The following ACTL6A variants were observed in gnomAD, a reference collection of about 807,000 sequenced individuals.
ACTL6A encodes actin like 6A.
A neutral mutation model predicts 59.2 loss-of-function variants in ACTL6A; 5 were observed. That is an observed-to-expected ratio of 0.08 (90% CI 0.04 to 0.18). The LOEUF is 0.18. Ranked by LOEUF, ACTL6A falls within the 10% of genes least tolerant of loss-of-function variation. ACTL6A has a pLI of 1.00. For synonymous variants in ACTL6A, 154 were observed against 171.8 expected (o/e 0.90, Z 0.81); for missense variants, 285 against 526.9 (o/e 0.54, Z 4.49).
At position 179,565,282 on chromosome 3, in the gene ACTL6A, C is replaced by A. The variant is rs1318383325; in HGVS notation, c.25+2165C>A. Among the ~76,000 whole-genome samples the A allele has an allele frequency of 2.0e-5, 3 of 151,572 alleles. No homozygotes were observed. In the East Asian group the frequency reaches 5.8e-4, roughly 29 times the overall value. ...CAAAACCCTGTCTCTACTAAAAATACAAAAATTAGCCAGGCGTGGTGGTGC... is the reference window on the plus strand; with the variant it reads ...CAAAACCCTGTCTCTACTAAAAATAAAAAAATTAGCCAGGCGTGGTGGTGC... On this transcript the variant is annotated intron_variant, in intron 1 of 13. Transcript: ENST00000429709.
intron 3 of ACTL6A, among the ~76,000 whole-genome samples, chr3:179,571,005 T>G (rs1239491610): frequency 6.6e-6 from 1 of 151,752 alleles, no homozygotes; most frequent in Non-Finnish European, 1.5e-5. Flanking sequence ...ATCGAGGGAG[T>G]GAAAGCAAGA....
Position 179,570,812 on chromosome 3 carries a change from G to A in ACTL6A, c.277+571G>A, listed in dbSNP as rs1047728099. 6.6e-6 allele frequency among the ~76,000 whole-genome samples: 1 copy of A among 152,136 alleles called. No homozygotes were observed. Among genetic ancestry groups the A allele is most frequent in the African/African-American group, 2.4e-5 (1 of 41,442 alleles). On this transcript the variant is annotated intron_variant, in intron 3 of 13. Coordinates refer to ENST00000429709, the MANE Select transcript of ACTL6A (RefSeq NM_004301.5). The surrounding 1 kb of genome is among the most constrained non-coding windows in gnomAD (Gnocchi z 4.3). ...AGGTAGGCAGGGAGCAGTCATAAAA[G>A]GGCTTGTAAACCATCCCAGGGTTGT... is the stretch of plus-strand genomic sequence containing the variant.
At chr3:179,569,780 T>C (rs973500115) in intron 1 of ACTL6A, 44 bp from the exon 2 acceptor site, 2 of 1,559,704 alleles carry the variant, frequency 1.3e-6, no homozygotes, top group African/African-American at 1.4e-5. Flanking sequence ...TTTCATATGA[T>C]ACTTTTGCAA....
chr3:179,573,006 C>A (rs1718058699), intron 3 of ACTL6A, among the ~76,000 whole-genome samples: 1 of 142,400 alleles, frequency 7.0e-6, no homozygotes. Flanking sequence ...TTTATAAATC[C>A]AGCAGTAGTA....
At chr3:179,574,795 C>T (rs1718115924) in intron 5 of ACTL6A, 1 of 190,900 alleles carries the variant, frequency 5.2e-6, no homozygotes, top group Non-Finnish European at 1.1e-5. Flanking sequence ...AATCTCCTTC[C>T]CTTCCAATAT....
At position 179,562,938 on chromosome 3, in the gene ACTL6A, G is replaced by A. The variant is rs1006311244; in HGVS notation, c.-155G>A. 1.1e-6 allele frequency: 1 copy of A among 924,618 alleles called. No homozygotes were observed. Among genetic ancestry groups the A allele is most frequent in the Non-Finnish European group, 1.7e-6 (1 of 588,706 alleles). The allele number at this position is 924,618 out of a possible 1,614,324, so 57.3% of individuals were successfully genotyped here. Reference sequence around the variant, plus strand: ...AGGAGGAGCCAGCAAGTGTGGCTGAGCTCCGGGGTGTGTGGACGCCGCTTT... The same window carrying A: ...AGGAGGAGCCAGCAAGTGTGGCTGAACTCCGGGGTGTGTGGACGCCGCTTT... On this transcript the variant is annotated 5_prime_UTR_variant, in exon 1 of 14. Transcript: ENST00000429709.
At chr3:179,566,544 A>G (rs970888777) in intron 1 of ACTL6A, among the ~76,000 whole-genome samples, 1 of 152,220 alleles carries the variant, frequency 6.6e-6, no homozygotes, top group Non-Finnish European at 1.5e-5. Flanking sequence ...TCACAATTCT[A>G]GAGGATAGAG....
intron 1 of ACTL6A, among the ~76,000 whole-genome samples, chr3:179,566,891 A>G (rs1027248176): frequency 1.9e-4 from 28 of 149,698 alleles, no homozygotes; most frequent in Non-Finnish European, 3.6e-4. Flanking sequence ...GGGTTTCACC[A>G]TGTTGGCCAG....
At chr3:179,587,570 C>T (rs532306381) in intron 13 of ACTL6A, among the ~76,000 whole-genome samples, 6 of 151,668 alleles carry the variant, frequency 4.0e-5, no homozygotes, top group East Asian at 1.9e-4. Context: ...TTAGGAGTTA[C>T]GAAAATAAGA....
chr3:179,570,023 T>C lies in ACTL6A; in HGVS notation c.103-44T>C. 2 of 1,591,748 alleles carry C rather than the reference T, an allele frequency of 1.3e-6. No homozygotes were observed. The highest frequency in any genetic ancestry group is 2.3e-5 in the South Asian group (2 of 87,706). ...ATTAATTGGGGAAAAAATGCCTTCTTGATGAAAGGTGAAACTTGTATGTCA... is the reference window on the plus strand; with the variant it reads ...ATTAATTGGGGAAAAAATGCCTTCTCGATGAAAGGTGAAACTTGTATGTCA... On this transcript the variant is annotated intron_variant, in intron 2 of 13. Coordinates refer to ENST00000429709, the MANE Select transcript of ACTL6A (RefSeq NM_004301.5). The surrounding 1 kb of genome is among the most constrained non-coding windows in gnomAD (Gnocchi z 4.3).
intron 11 of ACTL6A, 34 bp from the exon 12 acceptor site, chr3:179,583,319 G>A (rs1421434769): frequency 6.6e-7 from 1 of 1,515,054 alleles, no homozygotes; most frequent in South Asian, 1.1e-5. Context: ...GAAACATATG[G>A]AACTAATTGA....
intron 1 of ACTL6A, among the ~76,000 whole-genome samples, chr3:179,565,986 A>G (rs1717823438): frequency 6.6e-6 from 1 of 152,172 alleles, no homozygotes; most frequent in South Asian, 2.1e-4. Context: ...GGCAGTGGCA[A>G]TGGTATTAAA....
At chr3:179,582,763 A>G (rs888416476) in intron 11 of ACTL6A, among the ~76,000 whole-genome samples, 1 of 152,180 alleles carries the variant, frequency 6.6e-6, no homozygotes, top group African/African-American at 2.4e-5. Flanking sequence ...GGTGGTTGCT[A>G]TTAATATTTC....
At chr3:179,566,935 C>T (rs554049643) in intron 1 of ACTL6A, among the ~76,000 whole-genome samples, 82 of 152,078 alleles carry the variant, frequency 5.4e-4, no homozygotes, top group African/African-American at 1.5e-3. Context: ...GTAATCTGCC[C>T]GCCTCTGCCT....
intron 12 of ACTL6A, chr3:179,584,239 A>G (rs1718417498): frequency 6.6e-6 from 1 of 152,248 alleles, no homozygotes; most frequent in South Asian, 2.1e-4. Flanking sequence ...TGGGTATATT[A>G]TAATAACTTT....
intron 8 of ACTL6A, among the ~76,000 whole-genome samples, chr3:179,580,086 C>A (rs1027776957): frequency 2.0e-5 from 3 of 152,162 alleles, no homozygotes; most frequent in African/African-American, 4.8e-5. Flanking sequence ...ACAGTTTTTG[C>A]ACCTAAAGAT....
intron 3 of ACTL6A, among the ~76,000 whole-genome samples, chr3:179,571,237 C>T (rs1484218412): frequency 6.6e-6 from 1 of 152,026 alleles, no homozygotes; most frequent in African/African-American, 2.4e-5. Flanking sequence ...GCCTGGGCAA[C>T]ATGGCGAAAC....
At position 179,588,031 on chromosome 3, in the gene ACTL6A, A is replaced by G. The variant is rs757783516; in HGVS notation, c.*21A>G. 13 of 1,567,154 alleles carry G rather than the reference A, an allele frequency of 8.3e-6. No individual in the cohort carries two copies. Among genetic ancestry groups the G allele is most frequent in the East Asian group, 2.3e-5 (1 of 43,440 alleles). ...CTTGAGAAAGAGTTCCCAAGCTTCT[A>G]CCTTCCTTTTGTCACCTTACGTTTC... On this transcript the variant is annotated 3_prime_UTR_variant, in exon 14 of 14. Coordinates refer to ENST00000429709, the MANE Select transcript of ACTL6A (RefSeq NM_004301.5).
intron 5 of ACTL6A, 127 bp from the exon 6 acceptor site, chr3:179,576,090 A>G (rs1718157860): frequency 7.5e-6 from 5 of 665,128 alleles, no homozygotes; most frequent in Non-Finnish European, 1.3e-5. Flanking sequence ...GATTCACTGT[A>G]ATACATTTTT....
Sources: gnomAD v4.1 joint callset for allele counts (sites outside exome capture counted in the v4.1 genomes callset) on GRCh38, gnomAD v4.1.1 for gene constraint, Gnocchi (gnomAD v3.1) non-coding constraint, MANE v1.5 for transcripts, NCBI Gene and HGNC (gene_info 2026-07-23, HGNC 2026-07-21) for gene names.